The following CSE1L variants were observed in gnomAD, a reference collection of about 807,000 sequenced individuals.
CSE1L encodes exportin-2.
Under a neutral mutation model 120.4 loss-of-function variants are expected in CSE1L, and 24 were observed. That is an observed-to-expected ratio of 0.20 (90% CI 0.14 to 0.28). CSE1L has a LOEUF of 0.28. Among genes scored for constraint, CSE1L ranks in the 10% least tolerant of loss-of-function variants. CSE1L has a pLI of 1.00. For synonymous variants in CSE1L, 402 were observed against 398.3 expected (o/e 1.01, Z -0.11); for missense variants, 830 against 1,145.2 (o/e 0.72, Z 3.97).
intron 14 of CSE1L, among the ~76,000 whole-genome samples, chr20:49,080,955 T>C (rs1204876365): frequency 6.6e-6 from 1 of 151,626 alleles, no homozygotes; most frequent in African/African-American, 2.4e-5. Flanking sequence ...TTTTTATACT[T>C]TTTACTTAGT....
Position 49,074,837 on chromosome 20 carries a change from T to G in CSE1L, c.1119T>G (p.Asp373Glu). The G allele has an allele frequency of 2.5e-6, 4 of 1,612,642 alleles. No homozygotes were observed. The highest frequency in any genetic ancestry group is 2.5e-6 in the Non-Finnish European group (3 of 1,179,450). ...ATTCTGAGGAGTACATAAGGAGAGA[T>G]TTGGAAGGATCTGGTGTGTATCTTG... is the stretch of plus-strand genomic sequence containing the variant. ...EDNSEEYIRR[D>E]LEGSDIDTRR... Residue 373 changes from aspartate to glutamate, a missense_variant, in exon 11 of 25, where the codon GAT becomes GAG. Around this residue, in one of 4 missense-constraint regions of CSE1L, gnomAD observed 543 missense variants for 640.2 expected, o/e 0.85. Transcript: ENST00000262982.
chr20:49,085,133 A>G (rs984870448), intron 15 of CSE1L, 150 bp from the exon 16 acceptor site: 26 of 636,348 alleles, frequency 4.1e-5, no homozygotes, highest in Admixed American at 1.5e-4. Context: ...ACATGTAAAA[A>G]AATTATTTTC....
In CSE1L at chr20:49,094,235, A is replaced by G. The variant is rs1334687474; in HGVS notation, c.2543A>G (p.Lys848Arg). The G allele has an allele frequency of 1.9e-6, 3 of 1,612,934 alleles. No individual in the cohort carries two copies. The highest frequency in any genetic ancestry group is 2.5e-6 in the Non-Finnish European group (3 of 1,179,452). The change falls in exon 23 of 25, where the codon AAA becomes AGA. Residue 848 changes from lysine (K) to arginine (R), a missense_variant. Physicochemically the swap from Lys to Arg is conservative, Grantham distance 26. Transcript: ENST00000262982. ...EKKICAVGIT[K>R]LLTECPPMMD... ...AAGATCTGTGCGGTTGGCATAACCA[A>G]ATTACTAACAGAATGTCCCCCAATG...
At chr20:49,060,775 C>CA (rs3092475) in intron 2 of CSE1L, among the ~76,000 whole-genome samples, 39,656 of 136,408 alleles carry the variant, frequency 0.29, 5,480 homozygotes, top group East Asian at 0.5. Flanking sequence ...GACTTTGTCT[C>CA]AAAAAAAAAA....
intron 5 of CSE1L, 63 bp downstream of exon 5, chr20:49,066,573 A>G (rs1434849602): frequency 1.4e-6 from 2 of 1,451,160 alleles, no homozygotes; most frequent in Non-Finnish European, 1.9e-6. Flanking sequence ...TTGTGTAAAC[A>G]GTTGTGTTTT....
At chr20:49,078,961 G>C (rs1029734228) in intron 14 of CSE1L, among the ~76,000 whole-genome samples, 4 of 150,846 alleles carry the variant, frequency 2.7e-5, no homozygotes, top group African/African-American at 9.8e-5. Context: ...GCACCATCTT[G>C]GCTCACTGCA....
chr20:49,054,920 C>T (rs747450566), intron 1 of CSE1L, among the ~76,000 whole-genome samples: 67 of 152,250 alleles, frequency 4.4e-4, no homozygotes, highest in Non-Finnish European at 8.1e-4. Flanking sequence ...TTCAGATACA[C>T]ATATTTTTCA....
At chr20:49,069,500 C>T (rs940129210) in intron 7 of CSE1L, among the ~76,000 whole-genome samples, 1 of 152,196 alleles carries the variant, frequency 6.6e-6, no homozygotes, top group Non-Finnish European at 1.5e-5. Flanking sequence ...AGTACCTGGA[C>T]TTACCTTCAC....
chr20:49,077,172 T>C, intron 13 of CSE1L, 108 bp downstream of exon 13: 1 of 666,146 alleles, frequency 1.5e-6, no homozygotes, highest in Non-Finnish European at 2.4e-6. Context: ...TTTTTTTTTT[T>C]CTTTTGAGAT....
chr20:49,084,859 G>A (rs899730907), intron 15 of CSE1L, among the ~76,000 whole-genome samples: 8 of 152,114 alleles, frequency 5.3e-5, no homozygotes, highest in Non-Finnish European at 8.8e-5. Context: ...CCAATTAAGG[G>A]TAGAAAGGAC....
chr20:49,066,121 GT>G lies in CSE1L; in HGVS notation c.229-67del, dbSNP rs1462274342. On this transcript the variant is annotated intron_variant, in intron 3 of 24. Transcript: ENST00000262982. ...AATTAGTAAATAAAAAAACAGTTAT[GT>G]TTTACCTAAAATCATGTGGACATGA... 3 of 1,286,748 alleles carry G rather than the reference GT, an allele frequency of 2.3e-6. No individual in the cohort carries two copies. The African/African-American group carries it at 4.5e-5, about 19-fold the overall frequency. The allele number at this position is 1,286,748 out of a possible 1,614,324, so 79.7% of individuals were successfully genotyped here.
Position 49,096,602 on chromosome 20 carries a change from A to C in CSE1L, c.*164A>C. 1.6e-6 allele frequency: 1 copy of C among 630,746 alleles called. No homozygotes were observed. The highest frequency in any genetic ancestry group is 2.8e-6 in the Non-Finnish European group (1 of 360,500). 39.1% of individuals were successfully genotyped at this position (630,746 alleles called of 1,614,324 possible). A position where few individuals can be genotyped will look rare whatever the true frequency, so the allele number is the denominator to read the frequency against. ...CTTTAACCTGAACCTTGAGCAAATT[A>C]GTTGGTTTGTGTGATCATACAGTTA... On this transcript the variant is annotated 3_prime_UTR_variant, in exon 25 of 25. Transcript: ENST00000262982.
At chr20:49,063,996 T>A (rs1399574088) in intron 3 of CSE1L, among the ~76,000 whole-genome samples, 1 of 152,202 alleles carries the variant, frequency 6.6e-6, no homozygotes, top group Non-Finnish European at 1.5e-5. Context: ...TTTCCTTAGC[T>A]TAGGACAGTG....
intron 1 of CSE1L, among the ~76,000 whole-genome samples, chr20:49,056,301 A>G (rs1471483862): frequency 2.6e-5 from 4 of 152,038 alleles, no homozygotes; most frequent in Admixed American, 2.6e-4. Context: ...GACGGGATTC[A>G]CCATGCTGGC....
rs911304949 is a variant in CSE1L, at chr20:49,096,763, A to G, written c.*325A>G. 1.5e-5 allele frequency: 4 copies of G among 259,990 alleles called. No individual in the cohort carries two copies. The highest frequency in any genetic ancestry group is 8.9e-5 in the African/African-American group (4 of 44,842). The allele number at this position is 259,990 out of a possible 1,614,324, so 16.1% of individuals were successfully genotyped here. On this transcript the variant is annotated 3_prime_UTR_variant, in exon 25 of 25. Transcript: ENST00000262982. ...GACACTGTGGAGACTTTCTGTTACT[A>G]AATCCTTTTGTTTTGAAGCTGTTGC... is the stretch of plus-strand genomic sequence containing the variant.
intron 13 of CSE1L, among the ~76,000 whole-genome samples, chr20:49,077,581 A>G (rs1042181828): frequency 6.6e-6 from 1 of 152,172 alleles, no homozygotes; most frequent in Non-Finnish European, 1.5e-5. Context: ...ATACAACTAA[A>G]CTGTAACTCA....
At chr20:49,087,541 G>A (rs2092069617) in intron 16 of CSE1L, among the ~76,000 whole-genome samples, 1 of 151,742 alleles carries the variant, frequency 6.6e-6, no homozygotes. Context: ...ATTTTTAATG[G>A]AGATGGGTTT....
chr20:49,077,155 T>C (rs961099375), intron 13 of CSE1L, 91 bp downstream of exon 13: 2 of 502,718 alleles, frequency 4.0e-6, no homozygotes, highest in Non-Finnish European at 6.5e-6. Flanking sequence ...CTTTTGTTCT[T>C]TTTTTTTTTT....
Sources: allele counts gnomAD v4.1 joint callset (sites outside exome capture counted in the v4.1 genomes callset), GRCh38; gene constraint gnomAD v4.1.1; regional missense constraint gnomAD v4.1.1; transcripts MANE v1.5; gene names NCBI Gene and HGNC (gene_info 2026-07-23, HGNC 2026-07-21).